The following STAT4 variants were observed in gnomAD, a reference collection of about 807,000 sequenced individuals.
The protein encoded by STAT4 is signal transducer and activator of transcription 4.
A neutral mutation model predicts 110.5 loss-of-function variants in STAT4; 42 were observed. That is an observed-to-expected ratio of 0.38 (90% confidence interval 0.30 to 0.49). The LOEUF (loss-of-function observed/expected upper bound fraction) is 0.49. Ranked by LOEUF, STAT4 falls within the 20% of genes least tolerant of loss-of-function variation. The pLI is 0.95. For missense variants in STAT4, 632 were observed against 887.9 expected (o/e 0.71, Z 3.66); for synonymous variants, 284 against 302.2 (o/e 0.94, Z 0.63).
chr2:191,064,258 T>C (rs1210460180), intron 8 of STAT4, among the ~76,000 whole-genome samples: 2 of 152,230 alleles, frequency 1.3e-5, no homozygotes, highest in African/African-American at 4.8e-5. Flanking sequence ...TTACCTCACA[T>C]ACTTACTTTT....
chr2:191,095,162 A>G (rs1400821046), intron 3 of STAT4, among the ~76,000 whole-genome samples: 1 of 151,620 alleles, frequency 6.6e-6, no homozygotes, highest in East Asian at 1.9e-4. Flanking sequence ...TTTATTTTTA[A>G]AGTTGGAGAC....
At chr2:191,101,770 G>A (rs1033952475) in intron 3 of STAT4, among the ~76,000 whole-genome samples, 23 of 151,904 alleles carry the variant, frequency 1.5e-4, no homozygotes, top group Admixed American at 2.6e-4. Context: ...GTGTTCAATT[G>A]AAATTGTCAC....
intron 14 of STAT4, among the ~76,000 whole-genome samples, chr2:191,047,889 C>T (rs1016668516): frequency 6.6e-6 from 1 of 152,218 alleles, no homozygotes; most frequent in African/African-American, 2.4e-5. Flanking sequence ...TGGTCTTGAA[C>T]TCCTGAGCTC....
Position 191,031,123 on chromosome 2 carries a change from T to A in STAT4, c.2112-43A>T. The A allele has an allele frequency of 6.3e-7, 1 of 1,587,694 alleles. No homozygotes were observed. The highest frequency in any genetic ancestry group is 1.1e-5 in the South Asian group (1 of 90,274). ...GTCAATATGGACAAGGATTAAAAAA[T>A]AATAATAGTTCACGGTGACTTACTA... On this transcript the variant is annotated intron_variant, in intron 22 of 23. Coordinates refer to ENST00000392320, the MANE Select transcript of STAT4 (RefSeq NM_003151.4). The surrounding 1 kb of genome is among the most constrained non-coding windows in gnomAD (Gnocchi z 4.8).
rs1696777395 is a variant in STAT4 at position 191,058,902 on chromosome 2, T to C, written c.1035-133A>G. 1 of 558,208 alleles carries C rather than the reference T, an allele frequency of 1.8e-6. No homozygotes were observed. The highest frequency in any genetic ancestry group is 3.2e-5 in the East Asian group (1 of 31,558). The allele number at this position is 558,208 out of a possible 1,614,324, so 34.6% of individuals were successfully genotyped here. ...AAACCTTACATTATCTACAGTTATA[T>C]GTTAGTGTGTTTTAAAAATGTATAA... On this transcript the variant is annotated intron_variant, in intron 10 of 23. Coordinates refer to ENST00000392320, the MANE Select transcript of STAT4 (RefSeq NM_003151.4). This position sits in a 1 kb window ranked among gnomAD's most constrained non-coding sequence, Gnocchi z 4.3.
rs1559074378 is a variant in STAT4, at chr2:191,117,584, G to T, written c.273+29029C>A. Among the ~76,000 whole-genome samples, 1 of 152,122 alleles carries T rather than the reference G, an allele frequency of 6.6e-6. No homozygotes were observed. The highest frequency in any genetic ancestry group is 2.4e-5 in the African/African-American group (1 of 41,432). On this transcript the variant is annotated intron_variant, in intron 3 of 23. Coordinates refer to ENST00000392320, the MANE Select transcript of STAT4 (RefSeq NM_003151.4). The surrounding 1 kb of genome is among the most constrained non-coding windows in gnomAD (Gnocchi z 5.2). ...TGGGAGTGCAGAGGAGAGAAAACTC[G>T]ATGTGGATTTTAATGACACATAGAG...
At chr2:191,034,516 T>C (rs746565637) in intron 18 of STAT4, 32 bp downstream of exon 18, 1 of 1,563,028 alleles carries the variant, frequency 6.4e-7, no homozygotes, top group Non-Finnish European at 8.8e-7. Flanking sequence ...TAAAAAAATG[T>C]ATCTAAATGA....
chr2:191,056,074 A>C (rs1696682437), intron 13 of STAT4, among the ~76,000 whole-genome samples: 1 of 152,248 alleles, frequency 6.6e-6, no homozygotes, highest in African/African-American at 2.4e-5. Context: ...CCTCAATACT[A>C]AAAACCAAAC....
At chr2:191,133,155 A>G (rs879686599) in intron 3 of STAT4, among the ~76,000 whole-genome samples, 4 of 150,894 alleles carry the variant, frequency 2.7e-5, no homozygotes, top group South Asian at 4.1e-4. Flanking sequence ...TATTTAATTG[A>G]ATTCAAATAA....
upstream of STAT4, chr2:191,151,446 T>A (rs1302007829): frequency 3.0e-6 from 3 of 985,500 alleles, no homozygotes; most frequent in African/African-American, 5.2e-5. This position sits in a 1 kb window ranked among gnomAD's most constrained non-coding sequence, Gnocchi z 4.7. Flanking sequence ...ACCAAACTCA[T>A]AGACCTTACT....
chr2:191,141,511 A>ATGTATAT (rs1699329494), intron 3 of STAT4, among the ~76,000 whole-genome samples: 1 of 144,690 alleles, frequency 6.9e-6, no homozygotes, highest in Non-Finnish European at 1.5e-5. Context: ...ATATATACAT[A>ATGTATAT]CACATATGTA....
chr2:191,054,710 C>G (rs1309885259), intron 13 of STAT4, among the ~76,000 whole-genome samples, 176 bp from the exon 14 acceptor site: 2 of 152,202 alleles, frequency 1.3e-5, no homozygotes, highest in African/African-American at 4.8e-5. Flanking sequence ...AGAGGAGTTT[C>G]CTGTCTCACC....
intron 13 of STAT4, 95 bp from the exon 14 acceptor site, chr2:191,054,629 G>T (rs1696625066): frequency 9.4e-7 from 1 of 1,060,814 alleles, no homozygotes. Context: ...CTTGGCCACA[G>T]TTTTGACTTC....
rs1419547817 is a variant in STAT4 at position 191,143,394 on chromosome 2, G to A, written c.273+3219C>T. On this transcript the variant is annotated intron_variant, in intron 3 of 23. Coordinates refer to ENST00000392320, the MANE Select transcript of STAT4 (RefSeq NM_003151.4). This position sits in a 1 kb window ranked among gnomAD's most constrained non-coding sequence, Gnocchi z 5.6. The stretch of plus-strand genomic sequence containing the variant: ...TATCTTACTCAGGGCCACATTGCAA[G>A]TGGCAGGGCCAGGATTCAAGTAACC... Among the ~76,000 whole-genome samples, 1 of 152,172 alleles carries A rather than the reference G, an allele frequency of 6.6e-6. No individual in the cohort carries two copies. The highest frequency in any genetic ancestry group is 1.5e-5 in the Non-Finnish European group (1 of 68,038).
Position 191,146,685 on chromosome 2 carries a change from C to G in STAT4, c.201G>C (p.Gln67His). 6.3e-7 allele frequency: 1 copy of G among 1,594,454 alleles called. No homozygotes were observed. The highest frequency in any genetic ancestry group is 1.2e-5 in the South Asian group (1 of 86,612). ...LQNLLIQLDE[Q>H]LGRVSKEKNL... ...TTTTCTCTTTGGAAACACGACCTAA[C>G]TGTTCATCCAGTTGTATTAACAAGT... The change falls in exon 3 of 24, where the codon CAG (glutamine) becomes CAC (histidine). Residue 67 changes from glutamine (Q) to histidine (H), a missense_variant. Gln to His is a conservative substitution (Grantham distance 24). Coordinates refer to ENST00000392320, the MANE Select transcript of STAT4 (RefSeq NM_003151.4). This position sits in a 1 kb window ranked among gnomAD's most constrained non-coding sequence, Gnocchi z 4.5.
rs1382948920 is a variant in STAT4 at position 191,116,355 on chromosome 2, A to C, written c.273+30258T>G. Among the ~76,000 whole-genome samples the C allele has an allele frequency of 6.6e-6, 1 of 152,204 alleles. No homozygotes were observed. Among genetic ancestry groups the C allele is most frequent in the African/African-American group, 2.4e-5 (1 of 41,462 alleles). On this transcript the variant is annotated intron_variant, in intron 3 of 23. Transcript: ENST00000392320. The surrounding 1 kb of genome is among the most constrained non-coding windows in gnomAD (Gnocchi z 4.1). ...CAGCTGGTCTTGTGGCTGTGCAATT[A>C]CTTTGCAAGCTAAAATTTAGATAAA... is the stretch of plus-strand genomic sequence containing the variant.
chr2:191,069,276 A>T (rs1291939648), intron 6 of STAT4, among the ~76,000 whole-genome samples: 1 of 152,074 alleles, frequency 6.6e-6, no homozygotes, highest in Non-Finnish European at 1.5e-5. Flanking sequence ...TCTATTTTAT[A>T]ATCTTAGAAA....
intron 3 of STAT4, among the ~76,000 whole-genome samples, chr2:191,080,499 G>A (rs972036188): frequency 2.0e-5 from 3 of 152,060 alleles, no homozygotes; most frequent in African/African-American, 7.2e-5. Context: ...TCTTCATTTT[G>A]TAAGTTTTGA....
Position 191,066,428 on chromosome 2 carries a change from AC to A in STAT4, c.630+1del, listed in dbSNP as rs749564543. On this transcript the variant is annotated splice_donor_variant, in intron 7 of 23. Transcript: ENST00000392320. LOFTEE classifies it high-confidence loss of function. This position sits in a 1 kb window ranked among gnomAD's most constrained non-coding sequence, Gnocchi z 4.3. Reference sequence around the variant, plus strand: ...AAGCCCAAATTAAAATTCTTCACTAACCTTTCTCTTGAAATCGAGGCTGTTA... The same window carrying A: ...AAGCCCAAATTAAAATTCTTCACTAACTTTCTCTTGAAATCGAGGCTGTTA... The A allele has an allele frequency of 1.2e-6, 2 of 1,612,616 alleles. No homozygotes were observed. The highest frequency in any genetic ancestry group is 1.7e-6 in the Non-Finnish European group (2 of 1,179,018).
Sources: allele counts gnomAD v4.1 joint callset (sites outside exome capture counted in the v4.1 genomes callset), GRCh38; gene constraint gnomAD v4.1.1; non-coding constraint Gnocchi (gnomAD v3.1); transcripts MANE v1.5; gene names NCBI Gene and HGNC (gene_info 2026-07-23, HGNC 2026-07-21).